Variants in GALNT7 observed in about 807,000 individuals in gnomAD.
GALNT7 encodes polypeptide N-acetylgalactosaminyltransferase 7.
GALNT7 carries 60 observed loss-of-function variants against 82.1 expected under a neutral mutation model. That is an observed-to-expected ratio of 0.73 (90% confidence interval 0.59 to 0.91). GALNT7 has a LOEUF of 0.91. Ranked by LOEUF, GALNT7 falls within the 40% of genes least tolerant of loss-of-function variation. The pLI is 0.00. For synonymous variants in GALNT7, 243 were observed against 275.1 expected, an observed-to-expected ratio of 0.88 and a Z score of 1.15; for missense variants, 660 against 804.2, an observed-to-expected ratio of 0.82 and a Z score of 2.17.
intron 8 of GALNT7, among the ~76,000 whole-genome samples, chr4:173,310,871 G>A (rs534082278): frequency 2.7e-4 from 41 of 152,238 alleles, no homozygotes; most frequent in African/African-American, 9.4e-4. Context: ...AAGTAGCTGG[G>A]ATTATAGGTG....
intron 1 of GALNT7, among the ~76,000 whole-genome samples, chr4:173,199,788 G>A (rs888096657): frequency 2.0e-5 from 3 of 152,186 alleles, no homozygotes; most frequent in Non-Finnish European, 2.9e-5. Flanking sequence ...TTGGTAATAG[G>A]GTTGAGGTAG....
intron 1 of GALNT7, among the ~76,000 whole-genome samples, chr4:173,234,386 C>T (rs1335223975): frequency 1.3e-5 from 2 of 152,200 alleles, no homozygotes; most frequent in Non-Finnish European, 2.9e-5. Context: ...AATTCTGTTT[C>T]TGTCTCCTCT....
At chr4:173,177,588 C>T (rs969748978) in intron 1 of GALNT7, among the ~76,000 whole-genome samples, 1 of 152,090 alleles carries the variant, frequency 6.6e-6, no homozygotes, top group Non-Finnish European at 1.5e-5. Flanking sequence ...AAGGCATAGA[C>T]AGAAGTAAAA....
At chr4:173,198,492 A>C (rs1333322742) in intron 1 of GALNT7, among the ~76,000 whole-genome samples, 1 of 152,110 alleles carries the variant, frequency 6.6e-6, no homozygotes, top group Non-Finnish European at 1.5e-5. Flanking sequence ...CTGTGAGGAG[A>C]TCCATTACAA....
chr4:173,178,052 T>TGCGCGTGCGCGC (rs1732121410), intron 1 of GALNT7, among the ~76,000 whole-genome samples: 3 of 129,502 alleles, frequency 2.3e-5, no homozygotes, highest in Non-Finnish European at 3.2e-5. Flanking sequence ...TGTGTGTGTG[T>TGCGCGTGCGCGC]GCGCGCACGC....
At chr4:173,247,600 G>A (rs1734690163) in intron 1 of GALNT7, among the ~76,000 whole-genome samples, 1 of 152,028 alleles carries the variant, frequency 6.6e-6, no homozygotes, top group Non-Finnish European at 1.5e-5. Flanking sequence ...GTACAACTGG[G>A]AAAACCACAT....
chr4:173,268,530 GTTTTTTTTTTTTT>G (rs60894562), intron 2 of GALNT7, among the ~76,000 whole-genome samples: 3 of 52,336 alleles, frequency 5.7e-5, no homozygotes, highest in East Asian at 7.3e-4. Context: ...TTTCTCTCTC[GTTTTTTTTTTTTT>G]TTTTTTTTTT....
intron 1 of GALNT7, among the ~76,000 whole-genome samples, chr4:173,172,525 G>A (rs1491002398): frequency 6.6e-6 from 1 of 151,924 alleles, no homozygotes; most frequent in Non-Finnish European, 1.5e-5. Context: ...GTGTTGGCGC[G>A]ACCAATTATT....
At chr4:173,213,194 G>A (rs1373470389) in intron 1 of GALNT7, among the ~76,000 whole-genome samples, 1 of 150,768 alleles carries the variant, frequency 6.6e-6, no homozygotes, top group East Asian at 2.0e-4. Flanking sequence ...AACAAAAAAT[G>A]TGATTTCTCG....
At chr4:173,313,148 T>C (rs1164787251) in intron 8 of GALNT7, among the ~76,000 whole-genome samples, 1 of 152,184 alleles carries the variant, frequency 6.6e-6, no homozygotes, top group African/African-American at 2.4e-5. Context: ...AGTTCTATTA[T>C]AGTTATAACA....
chr4:173,272,379 G>C (rs1485133471), intron 2 of GALNT7, among the ~76,000 whole-genome samples: 1 of 152,108 alleles, frequency 6.6e-6, no homozygotes, highest in Non-Finnish European at 1.5e-5. Context: ...TAAGTCATTG[G>C]GTTCCCTGCC....
At chr4:173,257,346 A>G (rs1033197407) in intron 2 of GALNT7, among the ~76,000 whole-genome samples, 2 of 152,194 alleles carry the variant, frequency 1.3e-5, no homozygotes, top group Non-Finnish European at 2.9e-5. Flanking sequence ...TGGTTGAATA[A>G]TTGTTATATA....
chr4:173,287,388 T>C (rs1490061320), intron 2 of GALNT7, among the ~76,000 whole-genome samples: 1 of 152,266 alleles, frequency 6.6e-6, no homozygotes, highest in Non-Finnish European at 1.5e-5. Context: ...AAGGCCTCTA[T>C]ACGGCAGTGA....
chr4:173,308,041 T>G (rs970949530), intron 8 of GALNT7, among the ~76,000 whole-genome samples: 1 of 152,214 alleles, frequency 6.6e-6, no homozygotes, highest in East Asian at 1.9e-4. Context: ...GCATCTGCCT[T>G]TCTTCTTTGT....
intron 1 of GALNT7, among the ~76,000 whole-genome samples, chr4:173,236,752 C>T (rs781673676): frequency 6.6e-6 from 1 of 152,228 alleles, no homozygotes; most frequent in Non-Finnish European, 1.5e-5. Flanking sequence ...CTTAGGCCTG[C>T]TCAGGCATTC....
rs1737885788 is a variant in GALNT7 at position 173,323,206 on chromosome 4, C to T, written c.*1489C>T. On this transcript the variant is annotated 3_prime_UTR_variant, in exon 12 of 12. Coordinates refer to ENST00000265000, the MANE Select transcript of GALNT7 (RefSeq NM_017423.3). ...ATTTTTGATCCTGTAATCATGGTAT[C>T]ATTACAATGAAAGGAATTCACAAAC... 6.6e-6 allele frequency: 1 copy of T among 151,394 alleles called. No homozygotes were observed. The highest frequency in any genetic ancestry group is 2.4e-5 in the African/African-American group (1 of 41,112). 9.4% of individuals were successfully genotyped at this position (151,394 alleles called of 1,614,324 possible).
intron 1 of GALNT7, among the ~76,000 whole-genome samples, chr4:173,247,161 A>G (rs1327845405): frequency 6.6e-6 from 1 of 151,940 alleles, no homozygotes; most frequent in Non-Finnish European, 1.5e-5. Flanking sequence ...GAAGAATGGT[A>G]CTGGCTTAGG....
intron 2 of GALNT7, among the ~76,000 whole-genome samples, chr4:173,254,885 T>C (rs1157388514): frequency 6.6e-6 from 1 of 152,208 alleles, no homozygotes; most frequent in African/African-American, 2.4e-5. Flanking sequence ...ACTTTGTGAA[T>C]TCAGGGGTTT....
rs139013368 is a variant in GALNT7, at chr4:173,230,554, A to G, written c.127-17426A>G. On this transcript the variant is annotated intron_variant, in intron 1 of 11. Coordinates refer to ENST00000265000, the MANE Select transcript of GALNT7 (RefSeq NM_017423.3). Reference sequence around the variant, plus strand: ...TTTTTAATGTTTTAATATGAGTATAATCTGTTTACTATATAAATCAGAAAT... The same window carrying G: ...TTTTTAATGTTTTAATATGAGTATAGTCTGTTTACTATATAAATCAGAAAT... Among the ~76,000 whole-genome samples the G allele has an allele frequency of 5.3e-5, 8 of 152,288 alleles. No individual in the cohort carries two copies. In the East Asian group the frequency reaches 1.3e-3, roughly 26 times the overall value.
Sources: gnomAD v4.1 joint callset for allele counts (sites outside exome capture counted in the v4.1 genomes callset) on GRCh38, gnomAD v4.1.1 for gene constraint, MANE v1.5 for transcripts, NCBI Gene and HGNC (gene_info 2026-07-23, HGNC 2026-07-21) for gene names.